The following BTD variants were observed in gnomAD, a reference collection of about 807,000 sequenced individuals.
BTD encodes the protein biotinidase, also known as biocytinase.
In BTD, 13 loss-of-function variants were observed where a neutral mutation model predicts 17.7. The observed-to-expected ratio is 0.74, with a 90% confidence interval of 0.48 to 1.17. The LOEUF is 1.17. Among genes scored for constraint, BTD ranks in the 50% most tolerant of loss-of-function variants. The pLI, the probability that BTD is intolerant of heterozygous loss-of-function variation, is 0.00. For missense variants in BTD, 674 were observed against 650.4 expected (o/e 1.04, Z -0.39); for synonymous variants, 240 against 245.2 (o/e 0.98, Z 0.20).
chr3:15,617,649 G>C (rs2064833140), intron 1 of BTD, among the ~76,000 whole-genome samples: 1 of 152,164 alleles, frequency 6.6e-6, no homozygotes, highest in African/African-American at 2.4e-5. Flanking sequence ...TTTTCTTTAG[G>C]AGGCTGAGGT....
At chr3:15,654,794 G>A (rs147790335), downstream of BTD, among the ~76,000 whole-genome samples, 4,844 of 150,954 alleles carry the variant, frequency 0.032, 257 homozygotes, top group African/African-American at 0.11. Flanking sequence ...GAGTACAATG[G>A]CATGATCTTG....
At chr3:15,675,562 A>G (rs1296821595) in intron 3 of BTD, among the ~76,000 whole-genome samples, 1 of 152,228 alleles carries the variant, frequency 6.6e-6, no homozygotes, top group East Asian at 1.9e-4. Flanking sequence ...GAGTAGAAAC[A>G]CTGGCTTTAA....
rs190296775 is a variant in BTD, at chr3:15,651,314, G to C, written c.*5826G>C. Among the ~76,000 whole-genome samples the C allele has an allele frequency of 4.6e-5, 7 of 152,320 alleles. No homozygotes were observed. The East Asian group carries it at 9.6e-4, about 21-fold the overall frequency. ...GTGATGCCAGTCAGGTATTGCTGCCGTAAGGGCCATAGCAGGAGGGAGACT... is the reference window on the plus strand; with the variant it reads ...GTGATGCCAGTCAGGTATTGCTGCCCTAAGGGCCATAGCAGGAGGGAGACT... On this transcript the variant is annotated 3_prime_UTR_variant, in exon 4 of 4. Coordinates refer to ENST00000643237, the MANE Select transcript of BTD (RefSeq NM_001370658.1).
chr3:15,631,939 T>C (rs994406752), intron 1 of BTD, among the ~76,000 whole-genome samples: 1 of 152,158 alleles, frequency 6.6e-6, no homozygotes, highest in African/African-American at 2.4e-5. Context: ...AGGAGACCAC[T>C]AAGCAGGTCC....
intron 1 of BTD, chr3:15,631,613 C>T: frequency 3.3e-6 from 3 of 898,334 alleles, no homozygotes; most frequent in Non-Finnish European, 5.2e-6. Context: ...AAAGAACCTT[C>T]CTGATCAGGA....
chr3:15,706,592 T>C (rs2071461334), intron 3 of BTD, among the ~76,000 whole-genome samples: 1 of 152,198 alleles, frequency 6.6e-6, no homozygotes, highest in South Asian at 2.1e-4. Flanking sequence ...TATAATCCTT[T>C]GGGTATATAC....
intron 3 of BTD, among the ~76,000 whole-genome samples, chr3:15,672,236 T>TG (rs2066448187): frequency 6.6e-6 from 1 of 151,740 alleles, no homozygotes; most frequent in African/African-American, 2.4e-5. Context: ...CCTCAACCTC[T>TG]GGGCTCAAGT....
downstream of BTD, among the ~76,000 whole-genome samples, chr3:15,722,434 G>A (rs1187105057): frequency 1.3e-5 from 2 of 152,168 alleles, no homozygotes; most frequent in African/African-American, 4.8e-5. Flanking sequence ...GAATACTCCT[G>A]CACTCTATCC....
chr3:15,668,926 A>G (rs2066127852), intron 3 of BTD: 1 of 152,682 alleles, frequency 6.5e-6, no homozygotes, highest in South Asian at 2.1e-4. Flanking sequence ...CCCTCAATGT[A>G]TATGAAATCA....
In BTD at chr3:15,645,795, G is replaced by C; in HGVS notation, c.*307G>C. The C allele has an allele frequency of 3.6e-6, 1 of 278,908 alleles. No homozygotes were observed. The highest frequency in any genetic ancestry group is 6.7e-6 in the Non-Finnish European group (1 of 149,202). 17.3% of individuals were successfully genotyped at this position (278,908 alleles called of 1,614,324 possible). ...GTCTCAAGCTAAAACAAAAATAAATGTCAGTTTATATTTTACACATCCACA... is the reference window on the plus strand; with the variant it reads ...GTCTCAAGCTAAAACAAAAATAAATCTCAGTTTATATTTTACACATCCACA... On this transcript the variant is annotated 3_prime_UTR_variant, in exon 4 of 4. Transcript: ENST00000643237.
chr3:15,670,262 T>A, intron 3 of BTD: 3 of 1,610,058 alleles, frequency 1.9e-6, no homozygotes, highest in Non-Finnish European at 2.5e-6. Flanking sequence ...TCCCTCCTCC[T>A]CAGCCTCTCA....
At position 15,650,028 on chromosome 3, in the gene BTD, A is replaced by G. The variant is rs973764366; in HGVS notation, c.*4540A>G. On this transcript the variant is annotated 3_prime_UTR_variant, in exon 4 of 4. Coordinates refer to ENST00000643237, the MANE Select transcript of BTD (RefSeq NM_001370658.1). ...AATATGTGCTGAGTCTTGGATTTGC[A>G]TCTTTATCGTGACTCCACGGAGACC... 3.3e-5 allele frequency among the ~76,000 whole-genome samples: 5 copies of G among 152,236 alleles called. No homozygotes were observed. Among genetic ancestry groups the G allele is most frequent in the African/African-American group, 9.6e-5 (4 of 41,460 alleles).
chr3:15,657,502 TA>T (rs34495412), downstream of BTD, among the ~76,000 whole-genome samples: 78,841 of 152,074 alleles, frequency 0.52, 21,478 homozygotes, highest in Middle Eastern at 0.63. Context: ...CCCAGAGCTG[TA>T]TGTGAGCTAG....
chr3:15,626,794 AAG>A (rs1430130307), intron 1 of BTD, among the ~76,000 whole-genome samples: 26 of 144,340 alleles, frequency 1.8e-4, no homozygotes, highest in African/African-American at 5.2e-4. Context: ...AAAAAAAAAA[AAG>A]AAAAGAAAAG....
intron 3 of BTD, chr3:15,677,707 C>CAT (rs1478193665): frequency 4.0e-6 from 2 of 504,374 alleles, no homozygotes; most frequent in African/African-American, 3.8e-5. Flanking sequence ...TAATATATAA[C>CAT]ATATATATCT....
At chr3:15,658,868 T>A (rs2065896306) in intron 3 of BTD, among the ~76,000 whole-genome samples, 1 of 152,210 alleles carries the variant, frequency 6.6e-6, no homozygotes, top group Admixed American at 6.5e-5. Flanking sequence ...CCATTCACAT[T>A]TGACAGAGTC....
downstream of BTD, among the ~76,000 whole-genome samples, chr3:15,716,271 C>T (rs1182929334): frequency 5.3e-5 from 8 of 150,230 alleles, no homozygotes; most frequent in East Asian, 1.9e-4. Flanking sequence ...CATGAGCCAC[C>T]GCACCTGGAC....
chr3:15,611,832 A>G (rs373805389), intron 1 of BTD, among the ~76,000 whole-genome samples: 2 of 151,620 alleles, frequency 1.3e-5, no homozygotes, highest in East Asian at 1.9e-4. Flanking sequence ...CTACTCGTCT[A>G]AATTTTCTAG....
At chr3:15,639,318 A>C (rs912776925) in intron 2 of BTD, among the ~76,000 whole-genome samples, 1 of 152,084 alleles carries the variant, frequency 6.6e-6, no homozygotes, top group Non-Finnish European at 1.5e-5. Flanking sequence ...ATAAAGAAAA[A>C]TGTCTATCCA....
Sources: gnomAD v4.1 joint callset for allele counts (sites outside exome capture counted in the v4.1 genomes callset) on GRCh38, gnomAD v4.1.1 for gene constraint, MANE v1.5 for transcripts, NCBI Gene and HGNC (gene_info 2026-07-23, HGNC 2026-07-21) for gene names.